TTC4: variants seen among roughly 807,000 people sequenced by gnomAD.
TTC4 encodes the protein hsp70/Hsp90 co-chaperone CNS1 homolog.
Under a neutral mutation model 51.9 loss-of-function variants are expected in TTC4, and 36 were observed. That is an observed-to-expected ratio of 0.69 (90% CI 0.53 to 0.92). The LOEUF is 0.92. Ranked by LOEUF, TTC4 falls within the 40% of genes least tolerant of loss-of-function variation. TTC4 has a pLI of 0.00. For synonymous variants in TTC4, 144 were observed against 164.2 expected, an observed-to-expected ratio of 0.88 and a Z score of 0.94; for missense variants, 399 against 454.6, an observed-to-expected ratio of 0.88 and a Z score of 1.11.
rs1557756375 is a variant in TTC4 at position 54,741,541 on chromosome 1, CT to C, written c.*30del. On this transcript the variant is annotated 3_prime_UTR_variant, in exon 10 of 10. Transcript: ENST00000371281. Reference sequence around the variant, plus strand: ...AAGCCAGGGCCCCTGGATCTCCTCCCTTACCCTCCTCTGCTGGGAACCTAGC... The same window carrying C: ...AAGCCAGGGCCCCTGGATCTCCTCCCTACCCTCCTCTGCTGGGAACCTAGC... The C allele has an allele frequency of 6.3e-7, 1 of 1,579,490 alleles. No individual in the cohort carries two copies. The highest frequency in any genetic ancestry group is 1.3e-5 in the African/African-American group (1 of 74,400).
At chr1:54,716,823 C>T (rs1373735122) in intron 2 of TTC4, 106 bp downstream of exon 2, 1 of 876,870 alleles carries the variant, frequency 1.1e-6, no homozygotes, top group East Asian at 2.5e-5. Flanking sequence ...CCTGAGCTAA[C>T]TTGTCATTAT....
intron 7 of TTC4, 130 bp from the exon 8 acceptor site, chr1:54,733,499 T>C (rs924681876): frequency 7.9e-6 from 4 of 505,936 alleles, no homozygotes; most frequent in African/African-American, 7.9e-5. Flanking sequence ...GGGGTACTGC[T>C]GTCAAATGGG....
At chr1:54,736,268 G>GTATA (rs1557753179) in intron 8 of TTC4, among the ~76,000 whole-genome samples, 1 of 117,980 alleles carries the variant, frequency 8.5e-6, no homozygotes, top group Non-Finnish European at 1.7e-5. Context: ...GAGAGAGAGA[G>GTATA]AGACCATGAA....
Position 54,740,146 on chromosome 1 carries a change from G to A in TTC4, c.1062-1265G>A, listed in dbSNP as rs181043663. The stretch of plus-strand genomic sequence containing the variant: ...GCTATGATCACACCACTGCACTCCA[G>A]CCTAGGTGAGAGTGAGACCCCCTCC... On this transcript the variant is annotated intron_variant, in intron 9 of 9. Coordinates refer to ENST00000371281, the MANE Select transcript of TTC4 (RefSeq NM_004623.5). 1.9e-3 allele frequency among the ~76,000 whole-genome samples: 258 copies of A among 137,272 alleles called. 1 individual carries two copies. Among genetic ancestry groups the A allele is most frequent in the African/African-American group, 6.3e-3 (230 of 36,260 alleles). The allele number at this position is 137,272 out of a possible 152,430, so 90.1% of individuals were successfully genotyped here. A position where few individuals can be genotyped will look rare whatever the true frequency, so the allele number is the denominator to read the frequency against.
At chr1:54,738,992 A>G (rs58465047) in intron 9 of TTC4, among the ~76,000 whole-genome samples, 10,021 of 149,974 alleles carry the variant, frequency 0.067, 424 homozygotes, top group African/African-American at 0.12. Flanking sequence ...ACCTATACCT[A>G]TGTCTCCTGA....
chr1:54,719,424 T>C (rs1392965710), intron 3 of TTC4, among the ~76,000 whole-genome samples: 6 of 148,846 alleles, frequency 4.0e-5, no homozygotes, highest in Admixed American at 4.0e-4. Context: ...GCTTTCACAA[T>C]GTGTTCTGTG....
chr1:54,722,155 A>C (rs935679519), intron 4 of TTC4, among the ~76,000 whole-genome samples: 1 of 140,332 alleles, frequency 7.1e-6, no homozygotes, highest in Non-Finnish European at 1.5e-5. Context: ...TTGATGGGGG[A>C]GAGGCAGCTT....
rs374893512 is a variant in TTC4, at chr1:54,733,600, T to G, written c.897-29T>G. 52 of 1,545,850 alleles carry G rather than the reference T, an allele frequency of 3.4e-5. No homozygotes were observed. The African/African-American group carries it at 7.1e-4, about 21-fold the overall frequency. ...GGGAAAATAGATCATGAGTTATTGATACCCAGAAAGTACATGTTTTATCCT... is the reference window on the plus strand; with the variant it reads ...GGGAAAATAGATCATGAGTTATTGAGACCCAGAAAGTACATGTTTTATCCT... On this transcript the variant is annotated intron_variant, in intron 7 of 9. Coordinates refer to ENST00000371281, the MANE Select transcript of TTC4 (RefSeq NM_004623.5).
In TTC4 at chr1:54,716,677, T is replaced by C; in HGVS notation, c.189T>C (p.Cys63=). ...CCAGGGAGAATCCTGACTTGGCTTG[T>C]CTCCAGTCAATTATTTTTGATGAGG... The part of the protein sequence containing the change: ...IDPRENPDLA[C]LQSIIFDEER... The change falls in exon 2 of 10, where the codon TGT becomes TGC. Residue 63 remains cysteine (C), a synonymous_variant. Transcript: ENST00000371281. 6.2e-7 allele frequency: 1 copy of C among 1,613,668 alleles called. No homozygotes were observed. Among genetic ancestry groups the C allele is most frequent in the Non-Finnish European group, 8.5e-7 (1 of 1,179,950 alleles).
At position 54,741,927 on chromosome 1, in the gene TTC4, A is replaced by G; in HGVS notation, c.*414A>G. On this transcript the variant is annotated 3_prime_UTR_variant, in exon 10 of 10. Coordinates refer to ENST00000371281, the MANE Select transcript of TTC4 (RefSeq NM_004623.5). Reference sequence around the variant, plus strand: ...ACATCTACACACAAACAAACAATGCATAGGATTCCAAGGCTTTAAAGCTGA... The same window carrying G: ...ACATCTACACACAAACAAACAATGCGTAGGATTCCAAGGCTTTAAAGCTGA... 5.4e-6 allele frequency: 1 copy of G among 185,036 alleles called. No homozygotes were observed. Among genetic ancestry groups the G allele is most frequent in the Admixed American group, 5.8e-5 (1 of 17,328 alleles). 11.5% of individuals were successfully genotyped at this position (185,036 alleles called of 1,614,324 possible).
Position 54,738,062 on chromosome 1 carries a change from G to T in TTC4, c.1061+398G>T, listed in dbSNP as rs187607809. 4.7e-4 allele frequency among the ~76,000 whole-genome samples: 71 copies of T among 151,990 alleles called. No individual in the cohort carries two copies. The East Asian group carries it at 0.011, about 24-fold the overall frequency. On this transcript the variant is annotated intron_variant, in intron 9 of 9. Transcript: ENST00000371281. Reference sequence around the variant, plus strand: ...ATTATAGGCACCTGCCACCACGCCCGGCTAACTTTTGTATTTTTAGTAGAG... The same window carrying T: ...ATTATAGGCACCTGCCACCACGCCCTGCTAACTTTTGTATTTTTAGTAGAG...
chr1:54,728,475 A>C (rs746798917), intron 6 of TTC4, 43 bp downstream of exon 6: 21 of 1,562,970 alleles, frequency 1.3e-5, no homozygotes, highest in Non-Finnish European at 1.7e-5. Flanking sequence ...TGCTAAATCC[A>C]CTAATCCTGT....
intron 6 of TTC4, among the ~76,000 whole-genome samples, chr1:54,728,692 A>G (rs1645829585): frequency 6.6e-6 from 1 of 152,214 alleles, no homozygotes; most frequent in Non-Finnish European, 1.5e-5. Context: ...TCCAGGATCC[A>G]CAGTGGATGC....
chr1:54,733,610 G>C lies in TTC4; in HGVS notation c.897-19G>C, dbSNP rs1166714411. The C allele has an allele frequency of 6.3e-7, 1 of 1,579,272 alleles. No individual in the cohort carries two copies. The highest frequency in any genetic ancestry group is 1.2e-5 in the South Asian group (1 of 85,272). ...ATCATGAGTTATTGATACCCAGAAA[G>C]TACATGTTTTATCCTTAGGTTTATT... On this transcript the variant is annotated intron_variant, in intron 7 of 9. Transcript: ENST00000371281.
intron 8 of TTC4, 71 bp downstream of exon 8, chr1:54,733,781 G>A (rs1645901322): frequency 5.0e-6 from 5 of 1,004,296 alleles, no homozygotes; most frequent in South Asian, 3.2e-5. Flanking sequence ...TTTGCGGCGG[G>A]GGAAGCAGTC....
chr1:54,738,941 G>A (rs1488226209), intron 9 of TTC4, among the ~76,000 whole-genome samples: 2 of 151,732 alleles, frequency 1.3e-5, no homozygotes, highest in African/African-American at 2.4e-5. Flanking sequence ...GGGATTACAG[G>A]CGAGCCACTG....
intron 3 of TTC4, 150 bp from the exon 4 acceptor site, chr1:54,721,013 G>A (rs10489663): frequency 0.076 from 49,264 of 651,500 alleles, 2,822 homozygotes; most frequent in South Asian, 0.18. Flanking sequence ...TAAGGCTCTT[G>A]ACAAGTACAA....
chr1:54,724,432 A>AT lies in TTC4; in HGVS notation c.594+1644dup, dbSNP rs1014056312. The stretch of plus-strand genomic sequence containing the variant: ...AGGCGTGCACCACCATGCCAGGCTA[A>AT]TTTTTTTTTTTAATTTGTAAATTTG... On this transcript the variant is annotated intron_variant, in intron 5 of 9. Transcript: ENST00000371281. Among the ~76,000 whole-genome samples, 24 of 147,712 alleles carry AT rather than the reference A, an allele frequency of 1.6e-4. 1 individual carries two copies. The highest frequency in any genetic ancestry group is 2.7e-4 in the Admixed American group (4 of 14,838).
At chr1:54,741,025 A>C (rs2101378885) in intron 9 of TTC4, among the ~76,000 whole-genome samples, 1 of 152,076 alleles carries the variant, frequency 6.6e-6, no homozygotes, top group East Asian at 1.9e-4. Flanking sequence ...TTGGTTCCTC[A>C]TCTCCCTCCC....
Sources: gnomAD v4.1 joint callset for allele counts (sites outside exome capture counted in the v4.1 genomes callset) on GRCh38, gnomAD v4.1.1 for gene constraint, MANE v1.5 for transcripts, NCBI Gene and HGNC (gene_info 2026-07-23, HGNC 2026-07-21) for gene names.